C11orf21: variants seen among roughly 807,000 people sequenced by gnomAD.
C11orf21 encodes chromosome 11 open reading frame 21, also known as uncharacterized protein C11orf21.
A neutral mutation model predicts 15.2 loss-of-function variants in C11orf21; 19 were observed. The ratio of observed to expected loss-of-function variants is 1.25; its 90% CI spans 0.87 to 1.84. The LOEUF (loss-of-function observed/expected upper bound fraction) is 1.84, where lower values mean the gene tolerates loss of function less well. C11orf21 is among the 40% of genes most tolerant of loss of function. The pLI, the probability that C11orf21 is intolerant of heterozygous loss-of-function variation, is 0.00. For synonymous variants in C11orf21, 62 were observed against 66.8 expected (o/e 0.93, Z 0.35); for missense variants, 171 against 174.4 (o/e 0.98, Z 0.11).
upstream of C11orf21, chr11:2,302,244 G>T (rs1847793236): frequency 4.3e-6 from 6 of 1,381,142 alleles, no homozygotes; most frequent in Admixed American, 3.4e-5. Flanking sequence ...AGGAGTGGGT[G>T]GTGGGTGGGG....
chr11:2,296,099 G>C lies in C11orf21; in HGVS notation c.*1851C>G, dbSNP rs1847518941. ...TCTTCCACACAAGCCAATTAGACGA[G>C]TGGAACGAGGCTGCAGTGGGGGTCA... On this transcript the variant is annotated 3_prime_UTR_variant, in exon 4 of 4. Transcript: ENST00000381153. This position sits in a 1 kb window ranked among gnomAD's most constrained non-coding sequence, Gnocchi z 5.6. 1 of 152,164 alleles carries C rather than the reference G, an allele frequency of 6.6e-6. No individual in the cohort carries two copies. The highest frequency in any genetic ancestry group is 2.4e-5 in the African/African-American group (1 of 41,442). 9.4% of individuals were successfully genotyped at this position (152,164 alleles called of 1,614,324 possible).
Position 2,300,519 on chromosome 11 carries a change from C to A in C11orf21, c.147+1G>T. ...CACAGTGAGGGGGGCTGTGGTCAGACCTGGTCTCTGGAGGGCCAGCCGGGG... is the reference window on the plus strand; with the variant it reads ...CACAGTGAGGGGGGCTGTGGTCAGAACTGGTCTCTGGAGGGCCAGCCGGGG... On this transcript the variant is annotated splice_donor_variant, in intron 2 of 3. Transcript: ENST00000381153. LOFTEE classifies it high-confidence loss of function. The A allele has an allele frequency of 6.5e-7, 1 of 1,546,318 alleles. No homozygotes were observed. The highest frequency in any genetic ancestry group is 8.7e-7 in the Non-Finnish European group (1 of 1,144,978).
Position 2,300,529 on chromosome 11 carries a change from G to A in C11orf21, c.138C>T (p.Ser46=), listed in dbSNP as rs1474143299. Residue 46 remains serine, a synonymous_variant, in exon 2 of 4, where the codon TCC becomes TCT. Coordinates refer to ENST00000381153, the MANE Select transcript of C11orf21 (RefSeq NM_001329958.2). ...GGGGCTGTGGTCAGACCTGGTCTCT[G>A]GAGGGCCAGCCGGGGGTTCCCGTCC... The part of the protein sequence containing the change: ...DRWTGTPGWP[S]RDQEAPGSMM... 5 of 1,547,844 alleles carry A rather than the reference G, an allele frequency of 3.2e-6. No individual in the cohort carries two copies. Among genetic ancestry groups the A allele is most frequent in the African/African-American group, 2.7e-5 (2 of 72,806 alleles).
Position 2,296,993 on chromosome 11 carries a change from G to A in C11orf21, c.*957C>T, listed in dbSNP as rs530307817. 3.9e-5 allele frequency: 6 copies of A among 152,426 alleles called. No individual in the cohort carries two copies. In the South Asian group the frequency reaches 1.2e-3, roughly 32 times the overall value. 9.4% of individuals were successfully genotyped at this position (152,426 alleles called of 1,614,324 possible). ...CGGCCCACATGTGAGGGACCCTCAG[G>A]CTGGGCAGCATTGGCTGAGCCCCCA... On this transcript the variant is annotated 3_prime_UTR_variant, in exon 4 of 4. Coordinates refer to ENST00000381153, the MANE Select transcript of C11orf21 (RefSeq NM_001329958.2). The surrounding 1 kb of genome is among the most constrained non-coding windows in gnomAD (Gnocchi z 5.6).
upstream of C11orf21, chr11:2,301,941 G>T (rs1305214697): frequency 2.6e-6 from 4 of 1,509,800 alleles, no homozygotes; most frequent in African/African-American, 4.1e-5. Flanking sequence ...GTGAGGTGGT[G>T]GGGGGAGCCA....
rs1847528616 is a variant in C11orf21 at position 2,296,484 on chromosome 11, G to A, written c.*1466C>T. On this transcript the variant is annotated 3_prime_UTR_variant, in exon 4 of 4. Coordinates refer to ENST00000381153, the MANE Select transcript of C11orf21 (RefSeq NM_001329958.2). This position sits in a 1 kb window ranked among gnomAD's most constrained non-coding sequence, Gnocchi z 5.6. ...AGGAGTGGGTGTCAGGTTAGAGTTAGAGTCCAGTAATCCCCCTGAGTCTGA... is the reference window on the plus strand; with the variant it reads ...AGGAGTGGGTGTCAGGTTAGAGTTAAAGTCCAGTAATCCCCCTGAGTCTGA... 6.6e-6 allele frequency: 1 copy of A among 152,264 alleles called. No individual in the cohort carries two copies. Among genetic ancestry groups the A allele is most frequent in the Non-Finnish European group, 1.5e-5 (1 of 68,090 alleles). The allele number at this position is 152,264 out of a possible 1,614,324, so 9.4% of individuals were successfully genotyped here.
chr11:2,299,814 GCACA>G, intron 2 of C11orf21, 107 bp from the exon 3 acceptor site: 2 of 647,824 alleles, frequency 3.1e-6, no homozygotes, highest in South Asian at 4.9e-5. Flanking sequence ...ACATATGCAT[GCACA>G]CACATCCACG....
intron 2 of C11orf21, 76 bp downstream of exon 2, chr11:2,300,443 CT>C: frequency 1.1e-6 from 1 of 914,116 alleles, no homozygotes; most frequent in South Asian, 1.6e-5. Flanking sequence ...GAGGGTGTGG[CT>C]CAGCAAAGGG....
intron 1 of C11orf21, 200 bp downstream of exon 1, chr11:2,301,556 A>C: frequency 7.7e-6 from 4 of 517,284 alleles, no homozygotes; most frequent in Non-Finnish European, 1.4e-5. Flanking sequence ...CTCTGCGACA[A>C]AATATCCATG....
rs1847772672 is a variant in C11orf21, at chr11:2,301,917, C to T, written c.-109G>A. On this transcript the variant is annotated 5_prime_UTR_variant, in exon 1 of 4. Coordinates refer to ENST00000381153, the MANE Select transcript of C11orf21 (RefSeq NM_001329958.2). ...AAATGCCCTGGTGTCTTGGGCTGGG[C>T]TGGGGGCACCAGGGTGAGGTGGTGG... 6.5e-7 allele frequency: 1 copy of T among 1,533,944 alleles called. No homozygotes were observed. The highest frequency in any genetic ancestry group is 2.0e-5 in the Admixed American group (1 of 50,320).
rs1847533716 is a variant in C11orf21 at position 2,296,726 on chromosome 11, G to T, written c.*1224C>A. On this transcript the variant is annotated 3_prime_UTR_variant, in exon 4 of 4. Coordinates refer to ENST00000381153, the MANE Select transcript of C11orf21 (RefSeq NM_001329958.2). The surrounding 1 kb of genome is among the most constrained non-coding windows in gnomAD (Gnocchi z 5.6). ...CGGCCAAGGCCACAGGGCTCCATGGGCTGGACTGTTCCAATCACTGCCGGT... is the reference window on the plus strand; with the variant it reads ...CGGCCAAGGCCACAGGGCTCCATGGTCTGGACTGTTCCAATCACTGCCGGT... 6.6e-6 allele frequency: 1 copy of T among 152,332 alleles called. No individual in the cohort carries two copies. The highest frequency in any genetic ancestry group is 2.4e-5 in the African/African-American group (1 of 41,460). 9.4% of individuals were successfully genotyped at this position (152,332 alleles called of 1,614,324 possible). A position where few individuals can be genotyped will look rare whatever the true frequency, so the allele number is the denominator to read the frequency against.
chr11:2,303,064 G>C (rs1847859597), upstream of C11orf21: 1 of 1,076,056 alleles, frequency 9.3e-7, no homozygotes, highest in African/African-American at 1.6e-5. Context: ...CCAGGCCCTA[G>C]GCAGGAGCCA....
At chr11:2,300,907 G>A (rs1481530673) in intron 1 of C11orf21, 11 of 752,076 alleles carry the variant, frequency 1.5e-5, no homozygotes, top group East Asian at 2.7e-5. Context: ...TCATACCTGC[G>A]CCCCAGTCTG....
intron 1 of C11orf21, chr11:2,301,416 G>A (rs572405522): frequency 7.1e-4 from 169 of 236,442 alleles, no homozygotes; most frequent in African/African-American, 3.6e-3. Flanking sequence ...TGGGGCCGCA[G>A]CGCTGCCCCC....
upstream of C11orf21, chr11:2,303,116 C>A: frequency 3.1e-6 from 2 of 638,970 alleles, no homozygotes; most frequent in Non-Finnish European, 5.4e-6. Context: ...GGAGTCCTAG[C>A]TCCCCTGGGC....
At chr11:2,301,475 CA>C (rs1431918271) in intron 1 of C11orf21, 2 of 358,200 alleles carry the variant, frequency 5.6e-6, no homozygotes, top group Non-Finnish European at 1.0e-5. Flanking sequence ...TCGAGGTTTA[CA>C]AAGCCTCCCC....
intron 1 of C11orf21, chr11:2,300,850 T>C: frequency 7.5e-7 from 1 of 1,332,126 alleles, no homozygotes; most frequent in African/African-American, 1.5e-5. Flanking sequence ...CCCGGGGGCC[T>C]CCTGCCCCTA....
At chr11:2,303,031 G>T, upstream of C11orf21, 2 of 1,374,842 alleles carry the variant, frequency 1.5e-6, no homozygotes, top group Non-Finnish European at 2.0e-6. Context: ...AGCCCAGCTG[G>T]ACGCCTCACA....
chr11:2,302,770 C>A, upstream of C11orf21: 2 of 1,284,968 alleles, frequency 1.6e-6, no homozygotes. Context: ...AGCCCCAACC[C>A]TGCCCGCTGG....
Sources: allele counts gnomAD v4.1 joint callset, GRCh38; gene constraint gnomAD v4.1.1; non-coding constraint Gnocchi (gnomAD v3.1); transcripts MANE v1.5; gene names NCBI Gene and HGNC (gene_info 2026-07-23, HGNC 2026-07-21).